ERBB4: variants seen among roughly 807,000 people sequenced by gnomAD.
ERBB4 encodes the protein receptor tyrosine-protein kinase erbB-4.
ERBB4 carries 42 observed loss-of-function variants against 158.0 expected under a neutral mutation model. The ratio of observed to expected loss-of-function variants is 0.27; its 90% CI spans 0.21 to 0.34. The LOEUF is 0.34. Ranked by LOEUF, ERBB4 falls within the 10% of genes least tolerant of loss-of-function variation. The pLI, the probability that ERBB4 is intolerant of heterozygous loss-of-function variation, is 1.00. For missense variants in ERBB4, 1,333 were observed against 1,624.1 expected, an observed-to-expected ratio of 0.82 and a Z score of 3.08; for synonymous variants, 583 against 558.7, an observed-to-expected ratio of 1.04 and a Z score of -0.61.
chr2:212,053,410 C>T (rs1317542290), intron 2 of ERBB4, among the ~76,000 whole-genome samples: 2 of 152,106 alleles, frequency 1.3e-5, no homozygotes, highest in Non-Finnish European at 2.9e-5. Flanking sequence ...AAAATCCCCT[C>T]CTCTTCCCTT....
rs78659619 is a variant in ERBB4, at chr2:212,254,673, G to A, written c.83-129770C>T. ...CATGGCATAGGAAAAAAGACAGCAT[G>A]CCACTGATGGGAAAACTTCCTAACC... is the stretch of plus-strand genomic sequence containing the variant. On this transcript the variant is annotated intron_variant, in intron 1 of 27. Coordinates refer to ENST00000342788, the MANE Select transcript of ERBB4 (RefSeq NM_005235.3). Among the ~76,000 whole-genome samples, 733 of 152,258 alleles carry A rather than the reference G, an allele frequency of 4.8e-3. 7 individuals carry two copies. The highest frequency in any genetic ancestry group is 0.017 in the Middle Eastern group (5 of 294).
chr2:211,471,605 C>T (rs2064829179), intron 20 of ERBB4, among the ~76,000 whole-genome samples: 1 of 152,038 alleles, frequency 6.6e-6, no homozygotes, highest in Admixed American at 6.6e-5. Flanking sequence ...AGAGGTGGAA[C>T]TGGGATTTGA....
chr2:212,381,843 A>C (rs566793930), intron 1 of ERBB4, among the ~76,000 whole-genome samples: 5 of 151,508 alleles, frequency 3.3e-5, no homozygotes, highest in African/African-American at 1.2e-4. Context: ...TCAACTACCC[A>C]GAACTAACCT....
Position 211,382,044 on chromosome 2 carries a change from A to G in ERBB4, c.*1571T>C, listed in dbSNP as rs1574499259. 3 of 229,500 alleles carry G rather than the reference A, an allele frequency of 1.3e-5. No individual in the cohort carries two copies. Among genetic ancestry groups the G allele is most frequent in the Non-Finnish European group, 2.6e-5 (3 of 115,724 alleles). The allele number at this position is 229,500 out of a possible 1,614,324, so 14.2% of individuals were successfully genotyped here. ...GCAGTATATGAAGAAAGGGAATTAT[A>G]TAAAGTATCAAAAGATTAGTGTGTT... On this transcript the variant is annotated 3_prime_UTR_variant, in exon 28 of 28. Coordinates refer to ENST00000342788, the MANE Select transcript of ERBB4 (RefSeq NM_005235.3).
chr2:212,406,719 G>A (rs1177514464), intron 1 of ERBB4, among the ~76,000 whole-genome samples: 2 of 152,072 alleles, frequency 1.3e-5, no homozygotes, highest in Non-Finnish European at 2.9e-5. Context: ...TTGGGATAAT[G>A]TATTTGTGAG....
At chr2:211,690,238 AC>A (rs2105994077) in intron 12 of ERBB4, among the ~76,000 whole-genome samples, 1 of 152,044 alleles carries the variant, frequency 6.6e-6, no homozygotes, top group South Asian at 2.1e-4. Context: ...TATTCCATAA[AC>A]TTTTGGGTCC....
chr2:212,206,180 T>C (rs777955475), intron 1 of ERBB4, among the ~76,000 whole-genome samples: 3 of 152,190 alleles, frequency 2.0e-5, no homozygotes, highest in Non-Finnish European at 4.4e-5. Flanking sequence ...TGAACAGTTA[T>C]CTCACAGCTA....
intron 1 of ERBB4, among the ~76,000 whole-genome samples, chr2:212,156,033 T>C (rs1385876598): frequency 6.6e-5 from 10 of 152,118 alleles, no homozygotes; most frequent in African/African-American, 2.4e-4. Context: ...GCCCACAGGC[T>C]TCACCAGACA....
chr2:211,403,322 G>A (rs1001687320), intron 25 of ERBB4, among the ~76,000 whole-genome samples: 1 of 152,112 alleles, frequency 6.6e-6, no homozygotes, highest in Non-Finnish European at 1.5e-5. Context: ...TTAATATGCT[G>A]TAAGATTCCA....
At chr2:211,402,520 C>A in intron 25 of ERBB4, among the ~76,000 whole-genome samples, 1 of 151,884 alleles carries the variant, frequency 6.6e-6, no homozygotes, top group East Asian at 1.9e-4. Flanking sequence ...AATATGAAGG[C>A]ATATTGAAGG....
intron 1 of ERBB4, among the ~76,000 whole-genome samples, chr2:212,510,506 A>G (rs1691457591): frequency 6.6e-6 from 1 of 151,946 alleles, no homozygotes; most frequent in Non-Finnish European, 1.5e-5. Flanking sequence ...TCCATAATCC[A>G]ATGATATGAT....
chr2:211,858,190 G>T (rs1025753), intron 3 of ERBB4, among the ~76,000 whole-genome samples: 37,229 of 152,038 alleles, frequency 0.24, 5,467 homozygotes, highest in East Asian at 0.41. Context: ...GAGACAGAGT[G>T]CACAGTGATA....
chr2:212,493,363 T>C (rs894231629), intron 1 of ERBB4, among the ~76,000 whole-genome samples: 2 of 151,526 alleles, frequency 1.3e-5, no homozygotes, highest in Non-Finnish European at 3.0e-5. Context: ...AAGTGTTATG[T>C]AGAGATAATA....
chr2:211,413,327 C>A (rs1427876679), intron 25 of ERBB4, among the ~76,000 whole-genome samples: 15,496 of 97,212 alleles, frequency 0.16, 2,637 homozygotes, highest in Non-Finnish European at 0.23. Context: ...CACACACACA[C>A]ACACACACAC....
At chr2:212,506,853 T>G (rs1032887210) in intron 1 of ERBB4, among the ~76,000 whole-genome samples, 3 of 152,134 alleles carry the variant, frequency 2.0e-5, no homozygotes, top group African/African-American at 7.2e-5. Context: ...ATCTGGAAGA[T>G]CTAGTTAATA....
At chr2:212,364,358 G>A (rs2106368918) in intron 1 of ERBB4, among the ~76,000 whole-genome samples, 1 of 151,716 alleles carries the variant, frequency 6.6e-6, no homozygotes, top group African/African-American at 2.4e-5. Context: ...TCTGTCTAAA[G>A]CCCCTTGACT....
intron 3 of ERBB4, among the ~76,000 whole-genome samples, chr2:211,823,592 C>A (rs1263044447): frequency 6.6e-6 from 1 of 151,880 alleles, no homozygotes; most frequent in Non-Finnish European, 1.5e-5. Context: ...ATCTATAGAA[C>A]CTTATGTAAT....
chr2:211,649,169 G>A (rs956543591), intron 16 of ERBB4, among the ~76,000 whole-genome samples: 1 of 151,840 alleles, frequency 6.6e-6, no homozygotes, highest in Non-Finnish European at 1.5e-5. Flanking sequence ...CTACACAGAA[G>A]TAGGCTTAAT....
chr2:211,807,790 G>T (rs188200617), intron 3 of ERBB4, among the ~76,000 whole-genome samples: 69 of 152,266 alleles, frequency 4.5e-4, no homozygotes, highest in Middle Eastern at 6.8e-3. Flanking sequence ...AGCATCTGTT[G>T]TTTCCTGACT....
Sources: gnomAD v4.1 joint callset for allele counts (sites outside exome capture counted in the v4.1 genomes callset) on GRCh38, gnomAD v4.1.1 for gene constraint, MANE v1.5 for transcripts, NCBI Gene and HGNC (gene_info 2026-07-23, HGNC 2026-07-21) for gene names.